RAD51B: variants seen among roughly 807,000 people sequenced by gnomAD.
RAD51B encodes the protein DNA repair protein RAD51 homolog 2.
In RAD51B, 38 loss-of-function variants were observed where a neutral mutation model predicts 42.2. The ratio of observed to expected loss-of-function variants is 0.90; its 90% confidence interval spans 0.70 to 1.18. The LOEUF is 1.18. Ranked by LOEUF, RAD51B falls within the 50% of genes most tolerant of loss-of-function variation. The pLI is 0.00. For synonymous variants in RAD51B, 154 were observed against 145.2 expected (o/e 1.06, Z -0.43); for missense variants, 373 against 400.7 (o/e 0.93, Z 0.59).
intron 11 of RAD51B, among the ~76,000 whole-genome samples, chr14:68,661,156 G>T (rs915032340): frequency 1.3e-5 from 2 of 152,216 alleles, no homozygotes; most frequent in East Asian, 3.8e-4. Context: ...GCCCTTGAGG[G>T]TTTCTGAGTA....
At chr14:68,554,098 A>G (rs1888711547) in intron 10 of RAD51B, among the ~76,000 whole-genome samples, 1 of 152,206 alleles carries the variant, frequency 6.6e-6, no homozygotes, top group Admixed American at 6.5e-5. Flanking sequence ...GAGAAAACTG[A>G]GGCTTAGAAA....
chr14:68,372,354 G>GTT (rs910708571), intron 8 of RAD51B, among the ~76,000 whole-genome samples: 1 of 149,016 alleles, frequency 6.7e-6, no homozygotes, highest in African/African-American at 2.5e-5. Flanking sequence ...GTCAAAGGAG[G>GTT]TTTTTTTTTT....
chr14:68,160,085 C>T (rs1408987964), intron 7 of RAD51B, among the ~76,000 whole-genome samples: 1 of 48,548 alleles, frequency 2.1e-5, no homozygotes, highest in Non-Finnish European at 4.7e-5. Context: ...GGGTTATTTT[C>T]ACTGACAGAC....
intron 10 of RAD51B, among the ~76,000 whole-genome samples, chr14:68,548,467 G>T (rs899983304): frequency 2.0e-5 from 3 of 152,230 alleles, no homozygotes; most frequent in Non-Finnish European, 4.4e-5. Flanking sequence ...TTGCAGAGCG[G>T]GTTGTGGGGG....
At chr14:68,129,121 C>T (rs757838818) in intron 7 of RAD51B, among the ~76,000 whole-genome samples, 7 of 152,210 alleles carry the variant, frequency 4.6e-5, no homozygotes, top group African/African-American at 1.4e-4. Context: ...ATGAGGAGAT[C>T]GGCTCTGAGA....
chr14:68,206,316 G>T (rs1484119199), intron 7 of RAD51B, among the ~76,000 whole-genome samples: 1 of 152,096 alleles, frequency 6.6e-6, no homozygotes, highest in Non-Finnish European at 1.5e-5. Context: ...CTTTGTGTAG[G>T]TACTGTTTTT....
intron 7 of RAD51B, among the ~76,000 whole-genome samples, chr14:68,128,252 A>G (rs890566426): frequency 6.6e-6 from 1 of 152,166 alleles, no homozygotes; most frequent in Non-Finnish European, 1.5e-5. Context: ...TTGTGTCTCT[A>G]TCTTTAGCTT....
chr14:68,421,139 T>C (rs765116918), intron 9 of RAD51B, among the ~76,000 whole-genome samples: 2 of 152,226 alleles, frequency 1.3e-5, no homozygotes, highest in South Asian at 4.1e-4. Context: ...TTTCTCTTGC[T>C]CTAGGCATTA....
At position 68,468,565 on chromosome 14, in the gene RAD51B, A is replaced by G. The variant is rs1021302403; in HGVS notation, c.1036+315A>G. The G allele has an allele frequency of 6.2e-5, 24 of 386,134 alleles. No individual in the cohort carries two copies. In the Admixed American group the frequency reaches 8.5e-4, roughly 14 times the overall value. The allele number at this position is 386,134 out of a possible 1,614,324, so 23.9% of individuals were successfully genotyped here. A position where few individuals can be genotyped will look rare whatever the true frequency, so the allele number is the denominator to read the frequency against. ...CATTCCTCTTTGCAGATCCTATGGC[A>G]TGAAGTGGGCAATGATTCTGACACC... is the stretch of plus-strand genomic sequence containing the variant. On this transcript the variant is annotated intron_variant, in intron 10 of 10. Coordinates refer to ENST00000471583, the MANE Select transcript of RAD51B (RefSeq NM_133510.4).
rs1353805905 is a variant in RAD51B, at chr14:68,558,681, C to G, written c.1037-35804C>G. On this transcript the variant is annotated intron_variant, in intron 10 of 10. Coordinates refer to the RAD51B transcript ENST00000487270. Reference sequence around the variant, plus strand: ...TGGATGACAGTGTCTGTCTCTGTTCCTCTCCCCTCTTCTTATAAGGACACC... The same window carrying G: ...TGGATGACAGTGTCTGTCTCTGTTCGTCTCCCCTCTTCTTATAAGGACACC... Among the ~76,000 whole-genome samples, 7 of 152,124 alleles carry G rather than the reference C, an allele frequency of 4.6e-5. 1 individual carries two copies. Among genetic ancestry groups the G allele is most frequent in the Admixed American group, 2.0e-4 (3 of 15,272 alleles).
At chr14:68,118,608 T>C (rs889759037) in intron 7 of RAD51B, among the ~76,000 whole-genome samples, 4 of 152,262 alleles carry the variant, frequency 2.6e-5, no homozygotes, top group Admixed American at 2.0e-4. Flanking sequence ...AAGATGTGCT[T>C]GGGCACAAAG....
At chr14:68,154,155 T>C (rs756158376) in intron 7 of RAD51B, among the ~76,000 whole-genome samples, 1 of 152,236 alleles carries the variant, frequency 6.6e-6, no homozygotes, top group Admixed American at 6.5e-5. Context: ...TACCAGACAT[T>C]GTGAATTTCA....
chr14:68,273,892 C>T (rs1020953008), intron 7 of RAD51B, among the ~76,000 whole-genome samples: 5 of 152,122 alleles, frequency 3.3e-5, no homozygotes, highest in Non-Finnish European at 7.4e-5. Context: ...ACTTCCTCCC[C>T]ATATCCTGTT....
chr14:68,575,202 G>A (rs1889907682), intron 10 of RAD51B, among the ~76,000 whole-genome samples: 2 of 152,194 alleles, frequency 1.3e-5, no homozygotes, highest in Non-Finnish European at 1.5e-5. Flanking sequence ...ATACTGACTC[G>A]ACAATCCTAG....
chr14:68,553,089 G>C (rs1445502252), intron 10 of RAD51B, among the ~76,000 whole-genome samples: 5 of 152,102 alleles, frequency 3.3e-5, no homozygotes, highest in African/African-American at 1.2e-4. Context: ...GCACATATTT[G>C]TGTTTGTTGT....
At chr14:68,263,857 T>C (rs910449727) in intron 7 of RAD51B, among the ~76,000 whole-genome samples, 1 of 152,174 alleles carries the variant, frequency 6.6e-6, no homozygotes, top group Non-Finnish European at 1.5e-5. Flanking sequence ...AATGCAGAAA[T>C]CACAAACAAT....
intron 7 of RAD51B, among the ~76,000 whole-genome samples, chr14:67,949,658 C>G (rs1248650572): frequency 6.6e-6 from 1 of 152,128 alleles, no homozygotes; most frequent in African/African-American, 2.4e-5. Flanking sequence ...TAAATTCTTT[C>G]CAGAAGAATT....
At chr14:68,517,111 C>A (rs1028450543) in intron 10 of RAD51B, among the ~76,000 whole-genome samples, 1 of 152,126 alleles carries the variant, frequency 6.6e-6, no homozygotes, top group Non-Finnish European at 1.5e-5. Flanking sequence ...CAGATCACAA[C>A]TCAGGACACT....
chr14:68,486,880 C>T (rs1371593071), intron 10 of RAD51B, among the ~76,000 whole-genome samples: 1 of 152,216 alleles, frequency 6.6e-6, no homozygotes, highest in African/African-American at 2.4e-5. Flanking sequence ...TCTTTAGTGG[C>T]ATCTCCTCAT....
Sources: gnomAD v4.1 joint callset for allele counts (sites outside exome capture counted in the v4.1 genomes callset) on GRCh38, gnomAD v4.1.1 for gene constraint, MANE v1.5 for transcripts, NCBI Gene and HGNC (gene_info 2026-07-23, HGNC 2026-07-21) for gene names.